The following CTNNA3 variants were observed in gnomAD, a reference collection of about 807,000 sequenced individuals.
CTNNA3 encodes catenin alpha-3.
CTNNA3 carries 76 observed loss-of-function variants against 95.7 expected under a neutral mutation model. The observed-to-expected ratio is 0.79, with a 90% CI of 0.66 to 0.96. The LOEUF (loss-of-function observed/expected upper bound fraction) is 0.96, where lower values mean the gene tolerates loss of function less well. CTNNA3 is among the 40% of genes least tolerant of loss of function. CTNNA3 has a pLI of 0.00. For missense variants in CTNNA3, 1,191 were observed against 1,089.8 expected, an observed-to-expected ratio of 1.09 and a Z score of -1.31; for synonymous variants, 431 against 374.4, an observed-to-expected ratio of 1.15 and a Z score of -1.74.
At chr10:66,617,545 T>C (rs1045200023) in intron 10 of CTNNA3, among the ~76,000 whole-genome samples, 3 of 152,100 alleles carry the variant, frequency 2.0e-5, no homozygotes, top group Admixed American at 6.6e-5. Flanking sequence ...AAATCAGGTA[T>C]TGATGGGACG....
At chr10:67,218,266 A>G (rs1002712982) in intron 6 of CTNNA3, among the ~76,000 whole-genome samples, 79 of 152,140 alleles carry the variant, frequency 5.2e-4, no homozygotes, top group African/African-American at 1.8e-3. Flanking sequence ...TGATTTAACA[A>G]TGGTTCAACT....
chr10:66,406,481 A>T (rs1380566229), intron 11 of CTNNA3, among the ~76,000 whole-genome samples: 1 of 152,200 alleles, frequency 6.6e-6, no homozygotes, highest in Non-Finnish European at 1.5e-5. Context: ...TTTGTTTTCC[A>T]TACCAATGCC....
At chr10:66,563,230 A>G (rs1258846982) in intron 10 of CTNNA3, among the ~76,000 whole-genome samples, 1 of 152,142 alleles carries the variant, frequency 6.6e-6, no homozygotes, top group Non-Finnish European at 1.5e-5. Context: ...TCATACATAC[A>G]TTAGTCACCA....
chr10:67,457,961 G>A (rs191625127), intron 5 of CTNNA3, among the ~76,000 whole-genome samples: 13 of 152,152 alleles, frequency 8.5e-5, no homozygotes, highest in Admixed American at 6.6e-5. Flanking sequence ...CCTTTGCCAT[G>A]TAACACATTT....
rs200286698 is a variant in CTNNA3 at position 66,321,847 on chromosome 10, AG to A, written c.1733-41227del. Among the ~76,000 whole-genome samples, 1,096 of 152,274 alleles carry A rather than the reference AG, an allele frequency of 7.2e-3. 8 individuals carry two copies. Among genetic ancestry groups the A allele is most frequent in the African/African-American group, 0.025 (1,032 of 41,562 alleles). ...CAAGGAAATGTGCGTATGCTATATG[AG>A]TGTCCTAGTGACCAGGCTGTGATGT... On this transcript the variant is annotated intron_variant, in intron 12 of 17. Coordinates refer to ENST00000433211, the MANE Select transcript of CTNNA3 (RefSeq NM_013266.4).
intron 11 of CTNNA3, among the ~76,000 whole-genome samples, chr10:66,391,340 C>T (rs1270077459): frequency 6.6e-6 from 1 of 152,046 alleles, no homozygotes; most frequent in Non-Finnish European, 1.5e-5. Context: ...TCATTGAAGG[C>T]TTCATATTTC....
At chr10:67,027,955 C>T (rs1015105971) in intron 7 of CTNNA3, among the ~76,000 whole-genome samples, 4 of 152,160 alleles carry the variant, frequency 2.6e-5, no homozygotes, top group African/African-American at 4.8e-5. Flanking sequence ...AAATCTCCAT[C>T]TGTTTTCTCA....
intron 12 of CTNNA3, among the ~76,000 whole-genome samples, chr10:66,364,872 T>C (rs2092700755): frequency 6.6e-6 from 1 of 152,192 alleles, no homozygotes. Flanking sequence ...GTCCTCTATG[T>C]ATGTCTCTAA....
At chr10:66,022,512 AC>A (rs1177655927) in intron 15 of CTNNA3, among the ~76,000 whole-genome samples, 2 of 152,002 alleles carry the variant, frequency 1.3e-5, no homozygotes, top group African/African-American at 4.8e-5. Flanking sequence ...TGTCAAATCT[AC>A]TTTACAGGCA....
chr10:66,682,439 C>T (rs1474324294), intron 9 of CTNNA3, among the ~76,000 whole-genome samples: 1 of 151,888 alleles, frequency 6.6e-6, no homozygotes, highest in African/African-American at 2.4e-5. Flanking sequence ...ACCTGGATGG[C>T]TACAGATTAA....
chr10:66,891,416 C>T (rs1008885460), intron 7 of CTNNA3, among the ~76,000 whole-genome samples: 1 of 152,114 alleles, frequency 6.6e-6, no homozygotes, highest in Admixed American at 6.5e-5. Context: ...GAAAGTCAAA[C>T]TTTTACACAA....
chr10:66,222,265 G>C (rs1242299942), intron 13 of CTNNA3, among the ~76,000 whole-genome samples: 1 of 151,978 alleles, frequency 6.6e-6, no homozygotes, highest in African/African-American at 2.4e-5. Context: ...TTATGGAAAT[G>C]ACACCCACCC....
At chr10:66,844,136 C>A (rs1034774207) in intron 7 of CTNNA3, among the ~76,000 whole-genome samples, 5 of 152,114 alleles carry the variant, frequency 3.3e-5, no homozygotes, top group Admixed American at 2.0e-4. Context: ...GATTAGATTT[C>A]TTCTAAATAA....
At chr10:66,564,887 T>C (rs1842658915) in intron 10 of CTNNA3, among the ~76,000 whole-genome samples, 1 of 152,168 alleles carries the variant, frequency 6.6e-6, no homozygotes, top group African/African-American at 2.4e-5. Flanking sequence ...GAGTTGCTCT[T>C]CAGTTAAGGC....
intron 14 of CTNNA3, among the ~76,000 whole-genome samples, chr10:66,080,749 G>A (rs2080726107): frequency 6.6e-6 from 1 of 152,118 alleles, no homozygotes; most frequent in Non-Finnish European, 1.5e-5. Flanking sequence ...AAGCACTGGG[G>A]TGAGCTAGTA....
chr10:67,631,805 A>T (rs1445389963), intron 2 of CTNNA3, among the ~76,000 whole-genome samples: 1 of 152,162 alleles, frequency 6.6e-6, no homozygotes. Context: ...AAAAAAGTAA[A>T]TCCTGCCATT....
At chr10:67,371,674 T>G (rs1761874039) in intron 5 of CTNNA3, among the ~76,000 whole-genome samples, 1 of 152,210 alleles carries the variant, frequency 6.6e-6, no homozygotes, top group African/African-American at 2.4e-5. Flanking sequence ...TTGTGAATAG[T>G]GCTGCAATAA....
chr10:66,214,899 A>C (rs1473764580), intron 13 of CTNNA3, among the ~76,000 whole-genome samples: 1 of 152,010 alleles, frequency 6.6e-6, no homozygotes, highest in East Asian at 1.9e-4. Flanking sequence ...ACTAGCTCTC[A>C]ACCCAATTCC....
chr10:66,853,977 A>G lies in CTNNA3; in HGVS notation c.1048-78453T>C, dbSNP rs79057939. Among the ~76,000 whole-genome samples, 60 of 152,214 alleles carry G rather than the reference A, an allele frequency of 3.9e-4. No homozygotes were observed. The East Asian group carries it at 9.6e-3, about 24-fold the overall frequency. On this transcript the variant is annotated intron_variant, in intron 7 of 17. Transcript: ENST00000433211. ...CAGAGATTCTAAATAAAAAGCCGCT[A>G]TTTAACCATTTGCGATTATGCTATC...
Sources: allele counts gnomAD v4.1 joint callset (sites outside exome capture counted in the v4.1 genomes callset), GRCh38; gene constraint gnomAD v4.1.1; transcripts MANE v1.5; gene names NCBI Gene and HGNC (gene_info 2026-07-23, HGNC 2026-07-21).